Variants in PIP5K1B observed in about 807,000 individuals in gnomAD.
The protein encoded by PIP5K1B is phosphatidylinositol-4-phosphate 5-kinase type 1 beta, also known as phosphatidylinositol 4-phosphate 5-kinase type-1 beta.
A neutral mutation model predicts 67.0 loss-of-function variants in PIP5K1B; 42 were observed. The ratio of observed to expected loss-of-function variants is 0.63; its 90% CI spans 0.49 to 0.81. The LOEUF (loss-of-function observed/expected upper bound fraction) is 0.81, where lower values mean the gene tolerates loss of function less well. Ranked by LOEUF, PIP5K1B falls within the 30% of genes least tolerant of loss-of-function variation. The probability of loss-of-function intolerance (pLI) is 0.00; values close to 1 mark genes in which losing one functional copy is unlikely to be tolerated. For missense variants in PIP5K1B, 459 were observed against 646.3 expected, an observed-to-expected ratio of 0.71 and a Z score of 3.14; for synonymous variants, 214 against 231.4, an observed-to-expected ratio of 0.92 and a Z score of 0.68.
At chr9:68,985,690 A>T (rs1830068389) in intron 14 of PIP5K1B, among the ~76,000 whole-genome samples, 1 of 152,216 alleles carries the variant, frequency 6.6e-6, no homozygotes, top group African/African-American at 2.4e-5. Context: ...GCCCTGGGAC[A>T]TTGCAGATGG....
chr9:68,817,173 G>T (rs1041108440), intron 2 of PIP5K1B, among the ~76,000 whole-genome samples: 1 of 152,172 alleles, frequency 6.6e-6, no homozygotes, highest in Non-Finnish European at 1.5e-5. Context: ...GAGAGAAGGC[G>T]AATTAAAACC....
Position 68,705,480 on chromosome 9 carries a change from GGCGCGCGCGCACTGCACACTCGTAGCCGC to G in PIP5K1B, c.-520_-492del, listed in dbSNP as rs1479343165. 6.6e-6 allele frequency: 1 copy of G among 151,304 alleles called. No homozygotes were observed. Among genetic ancestry groups the G allele is most frequent in the African/African-American group, 2.4e-5 (1 of 41,312 alleles). The allele number at this position is 151,304 out of a possible 1,614,324, so 9.4% of individuals were successfully genotyped here. ...AAGCGGGGACACACACACTCGCCGCGGCGCGCGCGCACTGCACACTCGTAGCCGCGCGCCCCCGCCAAGGCGCGTCCGGA... is the reference window on the plus strand; with the variant it reads ...AAGCGGGGACACACACACTCGCCGCGGCGCCCCCGCCAAGGCGCGTCCGGA... On this transcript the variant is annotated 5_prime_UTR_variant, in exon 1 of 16. Coordinates refer to ENST00000265382, the MANE Select transcript of PIP5K1B (RefSeq NM_003558.4).
At chr9:68,716,050 T>A (rs1827619843) in intron 1 of PIP5K1B, among the ~76,000 whole-genome samples, 1 of 152,356 alleles carries the variant, frequency 6.6e-6, no homozygotes, top group African/African-American at 2.4e-5. Context: ...TTTGTACCTC[T>A]GAATTTGGAC....
At chr9:68,879,460 C>T (rs1048418809) in intron 6 of PIP5K1B, among the ~76,000 whole-genome samples, 4 of 152,046 alleles carry the variant, frequency 2.6e-5, no homozygotes, top group East Asian at 1.9e-4. Context: ...CCCAGCTACT[C>T]GGGAGGCTGA....
intron 14 of PIP5K1B, among the ~76,000 whole-genome samples, chr9:68,989,230 G>C (rs1830251054): frequency 6.6e-6 from 1 of 150,772 alleles, no homozygotes; most frequent in Admixed American, 6.6e-5. Flanking sequence ...ACAGGATTAT[G>C]TGCAGTTCCC....
At chr9:68,868,390 A>G (rs921732556) in intron 5 of PIP5K1B, among the ~76,000 whole-genome samples, 1 of 152,240 alleles carries the variant, frequency 6.6e-6, no homozygotes, top group Non-Finnish European at 1.5e-5. Flanking sequence ...TATAACATAT[A>G]TTAATTTTTA....
At position 68,721,847 on chromosome 9, in the gene PIP5K1B, A is replaced by AGATC. The variant is rs200483130; in HGVS notation, c.-243+16086_-243+16089dup. 8.6e-3 allele frequency among the ~76,000 whole-genome samples: 1,313 copies of AGATC among 152,286 alleles called. 20 individuals carry two copies. The highest frequency in any genetic ancestry group is 0.03 in the African/African-American group (1,244 of 41,556). ...TGAAATTGTGTAAGAAGAAGACAGAAGATCACTTGTTGATCTTCACTTGCA... is the reference window on the plus strand; with the variant it reads ...TGAAATTGTGTAAGAAGAAGACAGAAGATCGATCACTTGTTGATCTTCACTTGCA... On this transcript the variant is annotated intron_variant, in intron 1 of 15. Coordinates refer to ENST00000265382, the MANE Select transcript of PIP5K1B (RefSeq NM_003558.4).
At chr9:68,724,355 C>G (rs1828052904) in intron 1 of PIP5K1B, among the ~76,000 whole-genome samples, 1 of 151,454 alleles carries the variant, frequency 6.6e-6, no homozygotes, top group African/African-American at 2.4e-5. Context: ...TTTTGCTCAA[C>G]ATTTCTTTAG....
At chr9:68,896,333 A>G (rs144396469) in intron 8 of PIP5K1B, among the ~76,000 whole-genome samples, 173 of 146,794 alleles carry the variant, frequency 1.2e-3, no homozygotes, top group Middle Eastern at 3.4e-3. Context: ...TTCTAATACC[A>G]CATGCTTCTC....
At chr9:68,950,857 TA>T (rs1828032270) in intron 14 of PIP5K1B, among the ~76,000 whole-genome samples, 1 of 152,224 alleles carries the variant, frequency 6.6e-6, no homozygotes, top group Admixed American at 6.5e-5. Context: ...TCCTGTAATT[TA>T]AATGACTTGT....
At chr9:68,961,487 G>A (rs1311099275) in intron 14 of PIP5K1B, among the ~76,000 whole-genome samples, 30 of 152,158 alleles carry the variant, frequency 2.0e-4, no homozygotes, top group Admixed American at 2.0e-3. Flanking sequence ...AAGAAGTGGG[G>A]CACTAACAAA....
chr9:68,723,873 G>A (rs1054288577), intron 1 of PIP5K1B, among the ~76,000 whole-genome samples: 7 of 151,726 alleles, frequency 4.6e-5, no homozygotes, highest in Admixed American at 4.6e-4. Context: ...TCAGCTTGAT[G>A]CAATCTCATT....
chr9:68,718,972 T>G (rs1176846567), intron 1 of PIP5K1B, among the ~76,000 whole-genome samples: 1 of 152,214 alleles, frequency 6.6e-6, no homozygotes, highest in Non-Finnish European at 1.5e-5. Context: ...AGAGTCATAT[T>G]ATCCATTGAA....
chr9:68,959,993 A>G (rs927072322), intron 14 of PIP5K1B, among the ~76,000 whole-genome samples: 1 of 152,146 alleles, frequency 6.6e-6, no homozygotes, highest in Non-Finnish European at 1.5e-5. Context: ...AGTTGGCTCC[A>G]CTGCTTCATA....
intron 2 of PIP5K1B, among the ~76,000 whole-genome samples, chr9:68,804,783 T>C (rs1832781155): frequency 6.6e-6 from 1 of 152,098 alleles, no homozygotes; most frequent in Admixed American, 6.6e-5. Context: ...ACCTCTCTGT[T>C]GCCTTCGTTT....
intron 8 of PIP5K1B, among the ~76,000 whole-genome samples, chr9:68,914,739 A>G (rs997966140): frequency 1.3e-5 from 2 of 152,028 alleles, no homozygotes; most frequent in African/African-American, 2.4e-5. Flanking sequence ...ACAAATAAAT[A>G]AATAAATAAA....
At chr9:68,880,548 G>T (rs1334779428) in intron 6 of PIP5K1B, among the ~76,000 whole-genome samples, 1 of 148,284 alleles carries the variant, frequency 6.7e-6, no homozygotes, top group African/African-American at 2.5e-5. Flanking sequence ...GAGCAAGACT[G>T]CATCTGAAAC....
At chr9:68,734,534 A>T (rs746939266) in intron 1 of PIP5K1B, among the ~76,000 whole-genome samples, 10 of 152,240 alleles carry the variant, frequency 6.6e-5, no homozygotes, top group Non-Finnish European at 1.2e-4. Flanking sequence ...TAGCAGGCAG[A>T]TGGGTCCAGA....
At chr9:68,948,709 C>T (rs1238246288) in intron 14 of PIP5K1B, among the ~76,000 whole-genome samples, 1 of 33,202 alleles carries the variant, frequency 3.0e-5, no homozygotes, top group Non-Finnish European at 9.4e-5. Flanking sequence ...TTCCTCCCCA[C>T]CCCCAGAAAA....
Sources: allele counts gnomAD v4.1 joint callset (sites outside exome capture counted in the v4.1 genomes callset), GRCh38; gene constraint gnomAD v4.1.1; transcripts MANE v1.5; gene names NCBI Gene and HGNC (gene_info 2026-07-23, HGNC 2026-07-21).